The following HMCN1 variants were observed in gnomAD, a reference collection of about 807,000 sequenced individuals.
The protein encoded by HMCN1 is hemicentin 1, also known as hemicentin-1.
In HMCN1, 321 loss-of-function variants were observed where a neutral mutation model predicts 625.9. The ratio of observed to expected loss-of-function variants is 0.51; its 90% CI spans 0.47 to 0.56. The LOEUF (loss-of-function observed/expected upper bound fraction) is 0.56. Among genes scored for constraint, HMCN1 ranks in the 20% least tolerant of loss-of-function variants. The pLI, the probability that HMCN1 is intolerant of heterozygous loss-of-function variation, is 0.00. For synonymous variants in HMCN1, 2,425 were observed against 2,417.6 expected (o/e 1.00, Z -0.09); for missense variants, 6,588 against 6,887.3 (o/e 0.96, Z 1.54).
At chr1:186,028,725 ATT>A (rs11415987) in intron 36 of HMCN1, among the ~76,000 whole-genome samples, 3,964 of 137,700 alleles carry the variant, frequency 0.029, 185 homozygotes, top group African/African-American at 0.1. Flanking sequence ...TCTAAAGCAT[ATT>A]TTTTTTTTTT....
At chr1:185,986,726 C>T (rs942222643) in intron 19 of HMCN1, among the ~76,000 whole-genome samples, 1 of 150,532 alleles carries the variant, frequency 6.6e-6, no homozygotes, top group Admixed American at 6.6e-5. Context: ...GGCGTGGTGG[C>T]TTATGCCTGT....
chr1:186,082,173 G>A (rs890052498), intron 56 of HMCN1, among the ~76,000 whole-genome samples: 1 of 151,962 alleles, frequency 6.6e-6, no homozygotes, highest in African/African-American at 2.4e-5. Flanking sequence ...ATATATAGTT[G>A]GATAGAAATT....
Position 185,923,642 on chromosome 1 carries a change from G to C in HMCN1, c.1274G>C (p.Ser425Thr). 6.2e-7 allele frequency: 1 copy of C among 1,603,190 alleles called. No homozygotes were observed. Among genetic ancestry groups the C allele is most frequent in the Non-Finnish European group, 8.5e-7 (1 of 1,176,444 alleles). The change falls in exon 8 of 107, where the codon AGT becomes ACT. Residue 425 changes from serine (S) to threonine (T), a missense_variant. Ser to Thr is a moderately conservative substitution (Grantham distance 58). This residue lies in a region of HMCN1 where 4,628 missense variants were observed against 4,853.1 expected (regional missense o/e 0.95). Coordinates refer to ENST00000271588, the MANE Select transcript of HMCN1 (RefSeq NM_031935.3). ...AGAGTATCAAGTGTTTCCTTTTCTA[G>C]TATTGTCCCAGGTGAGACATCATTT... ...FQRVSSVSFS[S>T]IVPDAPKVTM...
intron 82 of HMCN1, 93 bp downstream of exon 82, chr1:186,125,887 T>C: frequency 1.1e-6 from 1 of 875,800 alleles, no homozygotes; most frequent in East Asian, 2.8e-5. Flanking sequence ...TATTCTTTAA[T>C]AATTAAAAAA....
At chr1:185,977,630 G>A (rs982175079) in intron 15 of HMCN1, among the ~76,000 whole-genome samples, 157 bp from the exon 16 acceptor site, 3 of 152,032 alleles carry the variant, frequency 2.0e-5, no homozygotes, top group African/African-American at 7.2e-5. Context: ...AACACCCACT[G>A]TTTTTACCTA....
chr1:186,012,019 A>G (rs1385047705), intron 30 of HMCN1, among the ~76,000 whole-genome samples: 1 of 152,212 alleles, frequency 6.6e-6, no homozygotes, highest in African/African-American at 2.4e-5. Flanking sequence ...AAGGCCAGTC[A>G]GGATATTCAG....
chr1:186,142,490 A>G (rs1650033698), intron 89 of HMCN1, among the ~76,000 whole-genome samples: 1 of 152,244 alleles, frequency 6.6e-6, no homozygotes, highest in Non-Finnish European at 1.5e-5. Context: ...GTCTTTATGT[A>G]GAACAATTTA....
chr1:186,040,959 A>T, intron 39 of HMCN1, 54 bp from the exon 40 acceptor site: 1 of 1,593,518 alleles, frequency 6.3e-7, no homozygotes, highest in African/African-American at 1.3e-5. Flanking sequence ...AAAATCTATT[A>T]CACCTACCAT....
At chr1:185,808,950 A>G (rs1571384036) in intron 1 of HMCN1, among the ~76,000 whole-genome samples, 1 of 152,188 alleles carries the variant, frequency 6.6e-6, no homozygotes, top group African/African-American at 2.4e-5. Context: ...ATTAATTTAT[A>G]CCAGACCACT....
intron 1 of HMCN1, among the ~76,000 whole-genome samples, chr1:185,837,034 A>G (rs750854279): frequency 6.2e-5 from 9 of 145,516 alleles, no homozygotes; most frequent in Admixed American, 2.0e-4. Context: ...GTGTGTGTAT[A>G]TATAAAATAT....
intron 1 of HMCN1, among the ~76,000 whole-genome samples, chr1:185,760,303 C>A (rs1452308264): frequency 6.6e-6 from 1 of 152,028 alleles, no homozygotes; most frequent in Non-Finnish European, 1.5e-5. Flanking sequence ...ACAGCTGACC[C>A]AAGTCAAAAA....
chr1:186,182,034 ATT>A (rs896518068), intron 104 of HMCN1, 132 bp from the exon 105 acceptor site: 1 of 944,100 alleles, frequency 1.1e-6, no homozygotes, highest in African/African-American at 1.6e-5. Context: ...AGCTCTGAGC[ATT>A]TTTTAACACA....
rs1390509522 is a variant in HMCN1 at position 186,130,527 on chromosome 1, G to A, written c.13060G>A (p.Asp4354Asn). 7 of 1,613,382 alleles carry A rather than the reference G, an allele frequency of 4.3e-6. No individual in the cohort carries two copies. Among genetic ancestry groups the A allele is most frequent in the Non-Finnish European group, 5.1e-6 (6 of 1,179,514 alleles). The change falls in exon 85 of 107, where the codon GAT (aspartate) becomes AAT (asparagine). Residue 4354 changes from aspartate (D) to asparagine (N), a missense_variant. Physicochemically the swap from Asp to Asn is conservative, Grantham distance 23 (BLOSUM62 1). Coordinates refer to ENST00000271588, the MANE Select transcript of HMCN1 (RefSeq NM_031935.3). ...TCCAGAACCTCCAGTCTTCAAAGGT[G>A]ATTATCCTTCTAACTGGATTGAACC... ...YVKEPPVFKG[D>N]YPSNWIEPLG...
intron 25 of HMCN1, 108 bp downstream of exon 25, chr1:185,997,632 A>T: frequency 1.3e-6 from 1 of 784,388 alleles, no homozygotes; most frequent in Non-Finnish European, 2.2e-6. Context: ...AATCCTTGGT[A>T]GAACATTTGA....
At chr1:186,027,312 A>C (rs1655121607) in intron 36 of HMCN1, among the ~76,000 whole-genome samples, 1 of 152,182 alleles carries the variant, frequency 6.6e-6, no homozygotes, top group Non-Finnish European at 1.5e-5. Flanking sequence ...CCCTAGACCA[A>C]ACTATGAAAT....
intron 1 of HMCN1, among the ~76,000 whole-genome samples, chr1:185,759,508 AG>A (rs1655348587): frequency 6.6e-6 from 1 of 152,234 alleles, no homozygotes; most frequent in African/African-American, 2.4e-5. Context: ...CTATCCTTCA[AG>A]GTCACGATGG....
chr1:185,735,429 G>T (rs1055182871), intron 1 of HMCN1, among the ~76,000 whole-genome samples: 3 of 152,186 alleles, frequency 2.0e-5, no homozygotes, highest in Admixed American at 2.0e-4. Context: ...AAGCTCTAGG[G>T]GCTAACATCC....
intron 15 of HMCN1, among the ~76,000 whole-genome samples, chr1:185,975,971 T>C (rs1225050219): frequency 2.6e-5 from 4 of 152,156 alleles, no homozygotes; most frequent in Admixed American, 1.3e-4. Context: ...CATTGACAAA[T>C]ATCCAGTGGC....
intron 82 of HMCN1, 132 bp downstream of exon 82, chr1:186,125,926 T>C: frequency 5.9e-6 from 4 of 682,276 alleles, no homozygotes; most frequent in Non-Finnish European, 9.8e-6. Flanking sequence ...GGTCACAAAA[T>C]TAATTTTACA....
Sources: allele counts gnomAD v4.1 joint callset (sites outside exome capture counted in the v4.1 genomes callset), GRCh38; gene constraint gnomAD v4.1.1; regional missense constraint gnomAD v4.1.1; transcripts MANE v1.5; gene names NCBI Gene and HGNC (gene_info 2026-07-23, HGNC 2026-07-21).